The following HDAC6 variants were observed in gnomAD, a reference collection of about 807,000 sequenced individuals.
HDAC6 encodes the protein histone deacetylase 6.
Under a neutral mutation model 88.9 loss-of-function variants are expected in HDAC6, and 5 were observed. The ratio of observed to expected loss-of-function variants is 0.06; its 90% confidence interval spans 0.03 to 0.12. The LOEUF (loss-of-function observed/expected upper bound fraction) is 0.12. HDAC6 is among the 10% of genes least tolerant of loss of function. The pLI, the probability that HDAC6 is intolerant of heterozygous loss-of-function variation, is 1.00. For missense variants in HDAC6, 706 were observed against 1,014.4 expected, an observed-to-expected ratio of 0.70 and a Z score of 4.13; for synonymous variants, 378 against 398.0, an observed-to-expected ratio of 0.95 and a Z score of 0.60.
In HDAC6 at chrX:48,823,771, G is replaced by A; in HGVS notation, c.3289G>A (p.Gly1097Ser). The change falls in exon 26 of 29, where the codon GGC becomes AGC. Residue 1097 changes from glycine to serine, a missense_variant. Physicochemically the swap from Gly to Ser is moderately conservative, Grantham distance 56 (BLOSUM62 0). Transcript: ENST00000334136. ...TTCGATGCTGATGCAGGGATCTAGG[G>A]GCCTCACTGATCAGGTGAGCTCAGG... The part of the protein sequence containing the change: ...ADSMLMQGSR[G>S]LTDQAIFYAV... The A allele has an allele frequency of 8.3e-7, 1 of 1,206,255 alleles. No homozygotes were observed. The highest frequency in any genetic ancestry group is 1.8e-5 in the South Asian group (1 of 56,660).
intron 11 of HDAC6, 50 bp from the exon 12 acceptor site, chrX:48,814,625 G>A (rs1478833325): frequency 7.5e-6 from 9 of 1,203,651 alleles, no homozygotes; most frequent in South Asian, 5.4e-5. Context: ...TTCTGTCAGC[G>A]GCTCGGGACA....
chrX:48,812,834 G>T (rs1557026170), intron 10 of HDAC6, among the ~76,000 whole-genome samples: 1 of 111,713 alleles, frequency 9.0e-6, no homozygotes, highest in African/African-American at 3.3e-5. Flanking sequence ...TATTGACTTT[G>T]ATGGCTCTCT....
chrX:48,809,939 A>G (rs1192856270), intron 10 of HDAC6, among the ~76,000 whole-genome samples: 1 of 111,713 alleles, frequency 9.0e-6, no homozygotes, highest in Non-Finnish European at 1.9e-5. Context: ...GATCTGAAGA[A>G]TCCAATTTAG....
rs963649712 is a variant in HDAC6 at position 48,802,730 on chromosome X, A to C, written c.38A>C (p.Gln13Pro). The C allele has an allele frequency of 8.3e-7, 1 of 1,208,907 alleles. No individual in the cohort carries two copies. Among genetic ancestry groups the C allele is most frequent in the Non-Finnish European group, 1.1e-6 (1 of 894,135 alleles). Reference protein sequence around the residue: ...STGQDSTTTRQRRSRQNPQSP... With the variant: ...STGQDSTTTRPRRSRQNPQSP... ...GGCCAGGATTCCACCACAACCAGGC[A>C]GCGAAGAAGTAGGCAGAACCCCCAG... is the stretch of plus-strand genomic sequence containing the variant. The change falls in exon 2 of 29, where the codon CAG (glutamine) becomes CCG (proline). Residue 13 changes from glutamine (Q) to proline (P), a missense_variant. Gln to Pro is a moderately conservative substitution (Grantham distance 76). This residue lies in a region of HDAC6 where 193 missense variants were observed against 258.2 expected (regional missense o/e 0.75). Coordinates refer to ENST00000334136, the MANE Select transcript of HDAC6 (RefSeq NM_006044.4).
At chrX:48,822,597 C>T (rs2063101581) in intron 23 of HDAC6, 23 bp from the exon 24 acceptor site, 1 of 1,128,094 alleles carries the variant, frequency 8.9e-7, no homozygotes, top group South Asian at 2.1e-5. Flanking sequence ...CCATACCTTT[C>T]CCTCCCCTTT....
chrX:48,804,898 G>A (rs1343560807), intron 4 of HDAC6, among the ~76,000 whole-genome samples: 1 of 95,575 alleles, frequency 1.0e-5, no homozygotes, highest in Non-Finnish European at 2.1e-5. Flanking sequence ...ACAGTTGGAG[G>A]AAGAGTATTC....
chrX:48,821,344 C>T (rs2063077922), intron 23 of HDAC6, among the ~76,000 whole-genome samples: 1 of 108,269 alleles, frequency 9.2e-6, no homozygotes, highest in Non-Finnish European at 1.9e-5. Context: ...GTGCCTGCCA[C>T]CACACCCAGC....
upstream of HDAC6, chrX:48,801,707 G>T (rs1441751854): frequency 5.0e-6 from 2 of 401,653 alleles, no homozygotes; most frequent in Non-Finnish European, 3.8e-6. Flanking sequence ...CCCAGCTGGC[G>T]TAGCACGCCG....
intron 10 of HDAC6, among the ~76,000 whole-genome samples, chrX:48,811,680 C>T (rs782424527): frequency 8.9e-6 from 1 of 112,410 alleles, no homozygotes; most frequent in South Asian, 3.7e-4. Flanking sequence ...TTCCCTCAGC[C>T]TTTCCAAAGT....
Position 48,815,970 on chromosome X carries a change from A to G in HDAC6, c.1411A>G (p.Ile471Val), listed in dbSNP as rs2062978343. The change falls in exon 17 of 29, where the codon ATC becomes GTC. Residue 471 changes from isoleucine to valine, a missense_variant. Ile to Val is a conservative substitution (Grantham distance 29, BLOSUM62 3). Around this residue, in one of 9 missense-constraint regions of HDAC6, gnomAD observed 106 missense variants for 135.1 expected, o/e 0.78. Transcript: ENST00000334136. Reference protein sequence around the residue: ...EGPWEPPVLPILTWPVLQSRT... With the variant: ...EGPWEPPVLPVLTWPVLQSRT... ...ACCCTGGGAGCCCCCTGTGCTCCCA[A>G]TCCTGACATGGCCAGTGCTACAGTC... 8.3e-7 allele frequency: 1 copy of G among 1,210,617 alleles called. No individual in the cohort carries two copies. Among genetic ancestry groups the G allele is most frequent in the South Asian group, 1.8e-5 (1 of 56,950 alleles).
upstream of HDAC6, chrX:48,801,662 C>T (rs1471302091): frequency 7.5e-6 from 2 of 265,111 alleles, no homozygotes; most frequent in Non-Finnish European, 1.3e-5. Context: ...GCCGACGCAC[C>T]GCCCCGTCGC....
Position 48,805,566 on chromosome X carries a change from G to A in HDAC6, c.396+44G>A, listed in dbSNP as rs781937068. 7.6e-6 allele frequency: 9 copies of A among 1,179,636 alleles called. No individual in the cohort carries two copies. The African/African-American group carries it at 1.6e-4, about 21-fold the overall frequency. The stretch of plus-strand genomic sequence containing the variant: ...CACTCTGGGTGAAGGGCAGGGAGCT[G>A]ACCTGACCTGGGTGCAGCCCATGCC... On this transcript the variant is annotated intron_variant, in intron 5 of 28. Coordinates refer to ENST00000334136, the MANE Select transcript of HDAC6 (RefSeq NM_006044.4).
Position 48,824,250 on chromosome X carries a change from C to G in HDAC6, c.3535C>G (p.Leu1179Val). Residue 1179 changes from leucine to valine, a missense_variant, in exon 28 of 29, where the codon CTG becomes GTG. By Grantham distance (32) the Leu-to-Val change is conservative. Coordinates refer to ENST00000334136, the MANE Select transcript of HDAC6 (RefSeq NM_006044.4). Reference protein sequence around the residue: ...GHPLVLSYIDLSAWCYYCQAY... With the variant: ...GHPLVLSYIDVSAWCYYCQAY... ...CCCGCTGGTCCTCAGCTACATCGAC[C>G]TGTCAGCCTGGTGTTACTACTGTCA... The G allele has an allele frequency of 2.5e-6, 3 of 1,211,427 alleles. No homozygotes were observed. Among genetic ancestry groups the G allele is most frequent in the Non-Finnish European group, 3.4e-6 (3 of 895,294 alleles).
upstream of HDAC6, chrX:48,801,858 G>C: frequency 3.1e-6 from 3 of 972,133 alleles, no homozygotes; most frequent in Non-Finnish European, 4.0e-6. Flanking sequence ...AAGCCTGAGC[G>C]CTCGCGTCCC....
chrX:48,819,258 C>T (rs782085183), intron 22 of HDAC6, among the ~76,000 whole-genome samples: 2 of 112,194 alleles, frequency 1.8e-5, no homozygotes, highest in South Asian at 3.7e-4. Flanking sequence ...TGTGTGTGTA[C>T]ATGACTAGTG....
chrX:48,801,713 C>G, upstream of HDAC6: 1 of 433,615 alleles, frequency 2.3e-6, no homozygotes, highest in African/African-American at 2.6e-5. Flanking sequence ...TGGCGTAGCA[C>G]GCCGACGCAC....
At chrX:48,813,622 T>C (rs2062935037) in intron 10 of HDAC6, 1 of 112,379 alleles carries the variant, frequency 8.9e-6, no homozygotes, top group Non-Finnish European at 1.9e-5. Flanking sequence ...AGCCCTCCCA[T>C]GGCCCCTTGC....
intron 19 of HDAC6, chrX:48,816,931 G>A (rs964453736): frequency 9.5e-6 from 3 of 314,403 alleles, no homozygotes; most frequent in Middle Eastern, 8.7e-4. Context: ...TCTAGCCTGG[G>A]CAACAGAGTG....
At chrX:48,806,129 T>C in intron 6 of HDAC6, 1 of 381,591 alleles carries the variant, frequency 2.6e-6, no homozygotes, top group Non-Finnish European at 4.6e-6. Context: ...AACAGACAGC[T>C]GAACCAGTGT....
Sources: allele counts gnomAD v4.1 joint callset (sites outside exome capture counted in the v4.1 genomes callset), GRCh38; gene constraint gnomAD v4.1.1; regional missense constraint gnomAD v4.1.1; transcripts MANE v1.5; gene names NCBI Gene and HGNC (gene_info 2026-07-23, HGNC 2026-07-21).